TM9SF3: variants seen among roughly 807,000 people sequenced by gnomAD.
TM9SF3 encodes the protein transmembrane 9 superfamily member 3, also known as SM-11044-binding protein.
In TM9SF3, 14 loss-of-function variants were observed where a neutral mutation model predicts 78.6. That is an observed-to-expected ratio of 0.18 (90% CI 0.12 to 0.28). The LOEUF is 0.28. Ranked by LOEUF, TM9SF3 falls within the 10% of genes least tolerant of loss-of-function variation. The pLI is 1.00. For synonymous variants in TM9SF3, 231 were observed against 241.7 expected (o/e 0.96, Z 0.41); for missense variants, 496 against 721.9 (o/e 0.69, Z 3.59).
Position 96,582,139 on chromosome 10 carries a change from T to C in TM9SF3, c.102+4595A>G, listed in dbSNP as rs550699665. 4.3e-4 allele frequency among the ~76,000 whole-genome samples: 66 copies of C among 152,272 alleles called. 1 individual carries two copies. In the South Asian group the frequency reaches 6.6e-3, roughly 15 times the overall value. ...AAAAAAATCTGACTTTGTGATCTTG[T>C]TAAGGAAACAGAACCCATAAAAATT... On this transcript the variant is annotated intron_variant, in intron 1 of 14. Transcript: ENST00000371142.
intron 2 of TM9SF3, among the ~76,000 whole-genome samples, chr10:96,568,858 C>T (rs567416457): frequency 1.7e-4 from 26 of 152,138 alleles, no homozygotes; most frequent in African/African-American, 6.3e-4. Context: ...TTAACAGAGA[C>T]AGCATCTATG....
intron 1 of TM9SF3, 152 bp downstream of exon 1, chr10:96,586,582 A>G (rs1415145166): frequency 1.8e-6 from 1 of 554,236 alleles, no homozygotes; most frequent in African/African-American, 2.0e-5. Context: ...CACGCTCCCA[A>G]GGTTCCTGCT....
intron 2 of TM9SF3, among the ~76,000 whole-genome samples, chr10:96,566,048 A>T (rs561994606): frequency 6.6e-6 from 1 of 152,340 alleles, no homozygotes; most frequent in African/African-American, 2.4e-5. Context: ...TACTGCTACT[A>T]TAATTCTATT....
At chr10:96,566,242 A>C (rs1021363367) in intron 2 of TM9SF3, among the ~76,000 whole-genome samples, 1 of 152,214 alleles carries the variant, frequency 6.6e-6, no homozygotes, top group Non-Finnish European at 1.5e-5. Flanking sequence ...AGCAAGCACA[A>C]GTTTGTTTTT....
intron 5 of TM9SF3, among the ~76,000 whole-genome samples, chr10:96,559,195 G>C (rs994132272): frequency 6.6e-6 from 1 of 152,010 alleles, no homozygotes; most frequent in Non-Finnish European, 1.5e-5. Context: ...TTCTCACACC[G>C]TAAGTTGTAT....
At chr10:96,575,026 T>C (rs1009688697) in intron 2 of TM9SF3, among the ~76,000 whole-genome samples, 1 of 151,506 alleles carries the variant, frequency 6.6e-6, no homozygotes, top group East Asian at 1.9e-4. Flanking sequence ...TTCCTATGTA[T>C]CAAAACTGCA....
At chr10:96,566,154 T>A (rs1200710850) in intron 2 of TM9SF3, among the ~76,000 whole-genome samples, 2 of 152,118 alleles carry the variant, frequency 1.3e-5, no homozygotes, top group African/African-American at 4.8e-5. Context: ...ATACTAAACA[T>A]GTCAATCAAA....
intron 8 of TM9SF3, among the ~76,000 whole-genome samples, chr10:96,545,472 C>T (rs180783177): frequency 6.7e-4 from 102 of 152,318 alleles, no homozygotes; most frequent in Non-Finnish European, 1.3e-3. Flanking sequence ...TAACTGATAG[C>T]CAGCATTGGA....
At chr10:96,585,054 A>G (rs1848613540) in intron 1 of TM9SF3, among the ~76,000 whole-genome samples, 1 of 152,190 alleles carries the variant, frequency 6.6e-6, no homozygotes, top group Admixed American at 6.5e-5. Context: ...TTAATTTGTA[A>G]ATTATTCTAA....
chr10:96,544,659 C>A (rs774046872), intron 8 of TM9SF3, among the ~76,000 whole-genome samples: 3 of 152,068 alleles, frequency 2.0e-5, no homozygotes, highest in Non-Finnish European at 2.9e-5. Flanking sequence ...TCAACCAGAA[C>A]AATTACATTT....
At chr10:96,557,742 T>C (rs1656228586) in intron 5 of TM9SF3, among the ~76,000 whole-genome samples, 1 of 152,234 alleles carries the variant, frequency 6.6e-6, no homozygotes, top group Admixed American at 6.5e-5. Flanking sequence ...AATATCCACA[T>C]TCTTTATTTC....
chr10:96,539,168 C>G (rs577629241), intron 9 of TM9SF3, among the ~76,000 whole-genome samples: 1 of 152,262 alleles, frequency 6.6e-6, no homozygotes, highest in East Asian at 1.9e-4. Context: ...AAAGAACAAA[C>G]TATTCATAAA....
chr10:96,558,735 T>C (rs1848267724), intron 5 of TM9SF3, among the ~76,000 whole-genome samples: 1 of 151,708 alleles, frequency 6.6e-6, no homozygotes, highest in Non-Finnish European at 1.5e-5. Flanking sequence ...TAGGTTCCGG[T>C]AGAGTCTAAG....
intron 5 of TM9SF3, among the ~76,000 whole-genome samples, chr10:96,556,318 A>T (rs1370514963): frequency 6.6e-6 from 1 of 152,202 alleles, no homozygotes; most frequent in East Asian, 1.9e-4. Context: ...CCAAACACTG[A>T]ACTAGGTGCT....
intron 2 of TM9SF3, among the ~76,000 whole-genome samples, chr10:96,570,656 C>A (rs1283247657): frequency 6.6e-6 from 1 of 152,146 alleles, no homozygotes; most frequent in African/African-American, 2.4e-5. Flanking sequence ...AAGTATATTT[C>A]TTCTCTCTCT....
intron 3 of TM9SF3, 47 bp from the exon 4 acceptor site, chr10:96,562,185 T>A: frequency 7.3e-7 from 1 of 1,368,470 alleles, no homozygotes; most frequent in Non-Finnish European, 1.0e-6. Flanking sequence ...ACTTAATATT[T>A]AAAATATCCT....
At chr10:96,579,731 T>C (rs948904035) in intron 1 of TM9SF3, among the ~76,000 whole-genome samples, 3 of 151,602 alleles carry the variant, frequency 2.0e-5, no homozygotes, top group Admixed American at 6.6e-5. Context: ...TGCTTTTTTC[T>C]TTTGTTTTGC....
chr10:96,560,733 A>G (rs1297613145), intron 4 of TM9SF3: 8 of 574,630 alleles, frequency 1.4e-5, no homozygotes, highest in Non-Finnish European at 2.3e-5. Flanking sequence ...GAAGAAATCT[A>G]CATGAGATAA....
rs958125071 is a variant in TM9SF3 at position 96,573,360 on chromosome 10, C to G, written c.298+3274G>C. On this transcript the variant is annotated intron_variant, in intron 2 of 14. Coordinates refer to ENST00000371142, the MANE Select transcript of TM9SF3 (RefSeq NM_020123.4). ...TGACAACCTACAACACTTTTCAAAG[C>G]ATGATCGACTTTATCTTTGAACACA... Among the ~76,000 whole-genome samples the G allele has an allele frequency of 8.5e-5, 13 of 152,272 alleles. No individual in the cohort carries two copies. In the East Asian group the frequency reaches 2.5e-3, roughly 29 times the overall value.
Sources: gnomAD v4.1 joint callset for allele counts (sites outside exome capture counted in the v4.1 genomes callset) on GRCh38, gnomAD v4.1.1 for gene constraint, MANE v1.5 for transcripts, NCBI Gene and HGNC (gene_info 2026-07-23, HGNC 2026-07-21) for gene names.